Variants in JOSD1 observed in about 807,000 individuals in gnomAD.
JOSD1 encodes the protein josephin-1.
Under a neutral mutation model 24.3 loss-of-function variants are expected in JOSD1, and 11 were observed. That is an observed-to-expected ratio of 0.45 (90% CI 0.29 to 0.75). The LOEUF (loss-of-function observed/expected upper bound fraction) is 0.75, where lower values mean the gene tolerates loss of function less well. Among genes scored for constraint, JOSD1 ranks in the 30% least tolerant of loss-of-function variants. The pLI is 0.11. For synonymous variants in JOSD1, 106 were observed against 93.8 expected (o/e 1.13, Z -0.75); for missense variants, 184 against 253.5 (o/e 0.73, Z 1.86).
chr22:38,694,654 AG>A (rs1461176238), intron 2 of JOSD1, among the ~76,000 whole-genome samples: 1 of 152,014 alleles, frequency 6.6e-6, no homozygotes, highest in Non-Finnish European at 1.5e-5. Flanking sequence ...TGAGGTCAGA[AG>A]ATCGAGACCA....
upstream of JOSD1, chr22:38,701,050 T>A (rs988829838): frequency 3.3e-6 from 3 of 913,770 alleles, no homozygotes; most frequent in Non-Finnish European, 3.9e-6. Context: ...AGCCGTGGCG[T>A]CACGCCTGAC....
intron 2 of JOSD1, among the ~76,000 whole-genome samples, chr22:38,690,842 G>A (rs1294532327): frequency 6.6e-6 from 1 of 151,632 alleles, no homozygotes; most frequent in Non-Finnish European, 1.5e-5. Context: ...GTAACATGGT[G>A]AAACCCCGTC....
chr22:38,701,090 G>A, upstream of JOSD1: 1 of 655,902 alleles, frequency 1.5e-6, no homozygotes, highest in Non-Finnish European at 1.9e-6. Flanking sequence ...CACCGGCCTG[G>A]GAGCCGCAGA....
chr22:38,688,061 AC>A (rs2092505976), intron 4 of JOSD1, 60 bp from the exon 5 acceptor site: 1 of 1,198,814 alleles, frequency 8.3e-7, no homozygotes. Flanking sequence ...CAGTCTCAGG[AC>A]CACAAAGTCA....
chr22:38,700,278 T>G lies in JOSD1; in HGVS notation c.-291A>C. On this transcript the variant is annotated 5_prime_UTR_variant, in exon 2 of 5. Coordinates refer to ENST00000683374, the MANE Select transcript of JOSD1 (RefSeq NM_001360236.2). Reference sequence around the variant, plus strand: ...ATAAAATGTAAGACCTTGTTTCCGTTTCCCCACCCTTCCCTCCCACCCCCC... The same window carrying G: ...ATAAAATGTAAGACCTTGTTTCCGTGTCCCCACCCTTCCCTCCCACCCCCC... The G allele has an allele frequency of 9.5e-7, 1 of 1,048,462 alleles. No homozygotes were observed. Among genetic ancestry groups the G allele is most frequent in the Non-Finnish European group, 1.2e-6 (1 of 868,280 alleles). 64.9% of individuals were successfully genotyped at this position (1,048,462 alleles called of 1,614,324 possible). A position where few individuals can be genotyped will look rare whatever the true frequency, so the allele number is the denominator to read the frequency against.
intron 2 of JOSD1, among the ~76,000 whole-genome samples, chr22:38,698,852 G>A (rs2092555834): frequency 6.6e-6 from 1 of 152,156 alleles, no homozygotes. Flanking sequence ...CACTTCCCAA[G>A]TTTATGCGAT....
At chr22:38,701,004 C>G (rs981791918), upstream of JOSD1, 50 of 982,360 alleles carry the variant, frequency 5.1e-5, 1 homozygote, top group East Asian at 2.5e-3. Flanking sequence ...GGCGCGTGCT[C>G]CGGAAACGCC....
Position 38,700,507 on chromosome 22 carries a change from C to T in JOSD1, c.-520G>A. On this transcript the variant is annotated 5_prime_UTR_variant, in exon 2 of 5. Coordinates refer to ENST00000683374, the MANE Select transcript of JOSD1 (RefSeq NM_001360236.2). ...CTAGCGCGGGCCGGCAGGCGTGGGACCGCGAGCCGCGCGGGGGCCTCGGGG... is the reference window on the plus strand; with the variant it reads ...CTAGCGCGGGCCGGCAGGCGTGGGATCGCGAGCCGCGCGGGGGCCTCGGGG... 2 of 986,180 alleles carry T rather than the reference C, an allele frequency of 2.0e-6. No individual in the cohort carries two copies. The highest frequency in any genetic ancestry group is 2.4e-6 in the Non-Finnish European group (2 of 830,456). The allele number at this position is 986,180 out of a possible 1,614,324, so 61.1% of individuals were successfully genotyped here.
In JOSD1 at chr22:38,689,361, A is replaced by G. The variant is rs770353735; in HGVS notation, c.249T>C (p.Asp83=). ...KKSMLGNGNY[D]VNVIMAALQT... ...GAAGTGCTGCCATAATGACATTCAC[A>G]TCGTAGTTGCCATTTCCCAGCATGC... Residue 83 remains aspartate (D), a synonymous_variant, in exon 3 of 5, where the codon GAT becomes GAC. Transcript: ENST00000683374. 1.2e-6 allele frequency: 2 copies of G among 1,614,144 alleles called. No individual in the cohort carries two copies. The highest frequency in any genetic ancestry group is 1.3e-5 in the African/African-American group (1 of 75,010).
intron 4 of JOSD1, 36 bp downstream of exon 4, chr22:38,688,899 C>T (rs2092509576): frequency 1.3e-5 from 20 of 1,572,112 alleles, no homozygotes; most frequent in Non-Finnish European, 1.6e-5. Context: ...AGAAATGAAG[C>T]AGCCTAGCAA....
rs1005454871 is a variant in JOSD1, at chr22:38,699,681, T to C, written c.185+122A>G. 2.7e-5 allele frequency: 25 copies of C among 919,958 alleles called. No individual in the cohort carries two copies. In the Admixed American group the frequency reaches 3.9e-4, roughly 14 times the overall value. 57.0% of individuals were successfully genotyped at this position (919,958 alleles called of 1,614,324 possible). On this transcript the variant is annotated intron_variant, in intron 2 of 4. Transcript: ENST00000683374. ...ATCTTTTCATGTCTTGTGTCCCTTA[T>C]ACCTGCTAACGCAATCTAGCTAATA...
rs1271297038 is a variant in JOSD1, at chr22:38,687,783, G to A, written c.*119C>T. On this transcript the variant is annotated 3_prime_UTR_variant, in exon 5 of 5. Coordinates refer to ENST00000683374, the MANE Select transcript of JOSD1 (RefSeq NM_001360236.2). ...TCTGTCCTATTGCACTGTCAGATCTGAAGGGGAAAAACTTGATGAGATGTT... is the reference window on the plus strand; with the variant it reads ...TCTGTCCTATTGCACTGTCAGATCTAAAGGGGAAAAACTTGATGAGATGTT... 13 of 689,868 alleles carry A rather than the reference G, an allele frequency of 1.9e-5. No individual in the cohort carries two copies. The highest frequency in any genetic ancestry group is 2.9e-5 in the Non-Finnish European group (11 of 382,332). The allele number at this position is 689,868 out of a possible 1,614,324, so 42.7% of individuals were successfully genotyped here.
At chr22:38,696,519 C>T (rs2413545) in intron 2 of JOSD1, among the ~76,000 whole-genome samples, 36,853 of 152,070 alleles carry the variant, frequency 0.24, 5,068 homozygotes, top group East Asian at 0.36. Context: ...GGATTACATG[C>T]GTGAGCCACC....
At chr22:38,700,765 C>A (rs2092565936) in intron 1 of JOSD1, 35 bp downstream of exon 1, 1 of 984,740 alleles carries the variant, frequency 1.0e-6, no homozygotes, top group Non-Finnish European at 1.2e-6. Context: ...CGCTCCCGGG[C>A]CCGCGCCCAC....
chr22:38,698,374 C>T (rs888035412), intron 2 of JOSD1, among the ~76,000 whole-genome samples: 4 of 152,204 alleles, frequency 2.6e-5, no homozygotes, highest in Non-Finnish European at 5.9e-5. Flanking sequence ...GTTTTGTCTG[C>T]ATCTGGGGAT....
intron 2 of JOSD1, among the ~76,000 whole-genome samples, chr22:38,691,873 T>C (rs1385811220): frequency 6.6e-6 from 1 of 152,196 alleles, no homozygotes; most frequent in Non-Finnish European, 1.5e-5. Context: ...GGTCTGTTTT[T>C]CTACACTAGA....
chr22:38,686,200 TTGG>T lies in JOSD1; in HGVS notation c.*1699_*1701del, dbSNP rs940039986. The T allele has an allele frequency of 5.2e-5, 8 of 152,506 alleles. No individual in the cohort carries two copies. Among genetic ancestry groups the T allele is most frequent in the Admixed American group, 5.2e-4 (8 of 15,264 alleles). 9.4% of individuals were successfully genotyped at this position (152,506 alleles called of 1,614,324 possible). A position where few individuals can be genotyped will look rare whatever the true frequency, so the allele number is the denominator to read the frequency against. ...TGAGAAGATATAACGCAGTAGCCGC[TTGG>T]TGGCCTGTTACTCAGCATTAAAAAA... On this transcript the variant is annotated 3_prime_UTR_variant, in exon 5 of 5. Transcript: ENST00000683374.
At chr22:38,701,303 GC>G (rs1272642790), upstream of JOSD1, 1 of 152,330 alleles carries the variant, frequency 6.6e-6, no homozygotes, top group Non-Finnish European at 1.5e-5. Context: ...TTGTTTCGGG[GC>G]GGCAGCCAGG....
At chr22:38,692,471 C>A (rs1487029617) in intron 2 of JOSD1, among the ~76,000 whole-genome samples, 6 of 152,122 alleles carry the variant, frequency 3.9e-5, no homozygotes, top group Non-Finnish European at 7.4e-5. Flanking sequence ...TGGGTACTCA[C>A]ACGTTTGGAT....
Sources: allele counts gnomAD v4.1 joint callset (sites outside exome capture counted in the v4.1 genomes callset), GRCh38; gene constraint gnomAD v4.1.1; transcripts MANE v1.5; gene names NCBI Gene and HGNC (gene_info 2026-07-23, HGNC 2026-07-21).